Variants in CEP41 observed in about 807,000 individuals in gnomAD.
The protein encoded by CEP41 is centrosomal protein of 41 kDa.
CEP41 carries 32 observed loss-of-function variants against 44.3 expected under a neutral mutation model. The ratio of observed to expected loss-of-function variants is 0.72; its 90% CI spans 0.54 to 0.97. The LOEUF (loss-of-function observed/expected upper bound fraction) is 0.97, where lower values mean the gene tolerates loss of function less well. Ranked by LOEUF, CEP41 falls within the 50% of genes least tolerant of loss-of-function variation. CEP41 has a pLI of 0.00. For missense variants in CEP41, 432 were observed against 455.2 expected, an observed-to-expected ratio of 0.95 and a Z score of 0.46; for synonymous variants, 151 against 168.5, an observed-to-expected ratio of 0.90 and a Z score of 0.80.
Position 130,440,977 on chromosome 7 carries a change from A to G in CEP41, c.-11T>C, listed in dbSNP as rs1389057163. On this transcript the variant is annotated 5_prime_UTR_variant, in exon 1 of 11. Coordinates refer to ENST00000223208, the MANE Select transcript of CEP41 (RefSeq NM_018718.3). ...CCTCCGGAGGGACATATTTTCTCCA[A>G]CCGACCACGTTCGGGGTTCTAGCCT... The G allele has an allele frequency of 1.9e-6, 3 of 1,612,296 alleles. No homozygotes were observed. Among genetic ancestry groups the G allele is most frequent in the African/African-American group, 2.7e-5 (2 of 74,852 alleles).
intron 1 of CEP41, among the ~76,000 whole-genome samples, chr7:130,435,774 A>G (rs1797943082): frequency 6.6e-6 from 1 of 152,204 alleles, no homozygotes; most frequent in African/African-American, 2.4e-5. Flanking sequence ...CATCCACACA[A>G]AGAGTTATAC....
At chr7:130,407,819 T>C (rs990560031) in intron 5 of CEP41, among the ~76,000 whole-genome samples, 1 of 152,112 alleles carries the variant, frequency 6.6e-6, no homozygotes, top group African/African-American at 2.4e-5. Flanking sequence ...CTAATAGATT[T>C]GATTACGTAA....
At chr7:130,431,987 G>C (rs1797835396) in intron 1 of CEP41, among the ~76,000 whole-genome samples, 1 of 152,130 alleles carries the variant, frequency 6.6e-6, no homozygotes, top group African/African-American at 2.4e-5. Flanking sequence ...GCATCTTAGT[G>C]GGTAGAGGCC....
chr7:130,440,922 C>G lies in CEP41; in HGVS notation c.33+12G>C, dbSNP rs1303521834. 1.2e-6 allele frequency: 2 copies of G among 1,611,450 alleles called. No homozygotes were observed. The highest frequency in any genetic ancestry group is 2.7e-5 in the African/African-American group (2 of 74,958). ...GCCCCCTCCGGCTCTCCGGCCGAGACCTGGCCCTCACCTCAGGGTTCCCAA... is the reference window on the plus strand; with the variant it reads ...GCCCCCTCCGGCTCTCCGGCCGAGAGCTGGCCCTCACCTCAGGGTTCCCAA... On this transcript the variant is annotated intron_variant, in intron 1 of 10. Coordinates refer to ENST00000223208, the MANE Select transcript of CEP41 (RefSeq NM_018718.3).
At position 130,404,637 on chromosome 7, in the gene CEP41, C is replaced by T. The variant is rs1796953161; in HGVS notation, c.349G>A (p.Glu117Lys). The T allele has an allele frequency of 1.9e-6, 3 of 1,613,398 alleles. No individual in the cohort carries two copies. The African/African-American group carries it at 4.0e-5, about 22-fold the overall frequency. The part of the protein sequence containing the change: ...ARTNGKGNPG[E>K]QSPSPEQFIN... Reference sequence around the variant, plus strand: ...AACTGCTCAGGGCTCGGCGACTGCTCACCTGGATTTCCTTTCCCATTGGTC... The same window carrying T: ...AACTGCTCAGGGCTCGGCGACTGCTTACCTGGATTTCCTTTCCCATTGGTC... The change falls in exon 6 of 11, where the codon GAG becomes AAG. Residue 117 changes from glutamate (E) to lysine (K), a missense_variant. By Grantham distance (56) the Glu-to-Lys change is moderately conservative. Coordinates refer to ENST00000223208, the MANE Select transcript of CEP41 (RefSeq NM_018718.3).
In CEP41 at chr7:130,440,960, G is replaced by A; in HGVS notation, c.7C>T (p.Leu3Phe). 3 of 1,612,876 alleles carry A rather than the reference G, an allele frequency of 1.9e-6. No individual in the cohort carries two copies. The highest frequency in any genetic ancestry group is 2.5e-6 in the Non-Finnish European group (3 of 1,180,004). The change falls in exon 1 of 11, where the codon CTC becomes TTC. Residue 3 changes from leucine to phenylalanine, a missense_variant. By Grantham distance (22) the Leu-to-Phe change is conservative. Coordinates refer to ENST00000223208, the MANE Select transcript of CEP41 (RefSeq NM_018718.3). MS[L>F]RRHIGNPEYL... ...TCAGGGTTCCCAATGTGCCTCCGGA[G>A]GGACATATTTTCTCCAACCGACCAC...
Position 130,440,954 on chromosome 7 carries a change from T to A in CEP41, c.13A>T (p.Arg5Trp). MSLR[R>W]HIGNPEYLMK... ...CTCACCTCAGGGTTCCCAATGTGCC[T>A]CCGGAGGGACATATTTTCTCCAACC... Residue 5 changes from arginine (R) to tryptophan (W), a missense_variant, in exon 1 of 11, where the codon AGG (arginine) becomes TGG (tryptophan). Transcript: ENST00000223208. The A allele has an allele frequency of 1.2e-6, 2 of 1,612,822 alleles. No individual in the cohort carries two copies. Among genetic ancestry groups the A allele is most frequent in the Middle Eastern group, 1.6e-4 (1 of 6,062 alleles).
rs1798137622 is a variant in CEP41 at position 130,440,928 on chromosome 7, C to T, written c.33+6G>A. The T allele has an allele frequency of 1.2e-6, 2 of 1,612,020 alleles. No individual in the cohort carries two copies. The highest frequency in any genetic ancestry group is 1.7e-5 in the Admixed American group (1 of 60,032). On this transcript the variant is annotated splice_donor_region_variant and intron_variant, in intron 1 of 10. Coordinates refer to ENST00000223208, the MANE Select transcript of CEP41 (RefSeq NM_018718.3). ...TCCGGCTCTCCGGCCGAGACCTGGC[C>T]CTCACCTCAGGGTTCCCAATGTGCC...
At chr7:130,429,702 C>A (rs1197923545) in intron 1 of CEP41, among the ~76,000 whole-genome samples, 1 of 152,236 alleles carries the variant, frequency 6.6e-6, no homozygotes, top group Non-Finnish European at 1.5e-5. Flanking sequence ...CTTCACTACT[C>A]CTTGGGCAAA....
At chr7:130,436,725 A>C (rs1797976576) in intron 1 of CEP41, among the ~76,000 whole-genome samples, 1 of 152,040 alleles carries the variant, frequency 6.6e-6, no homozygotes, top group Admixed American at 6.5e-5. Flanking sequence ...AGAGCAAAAA[A>C]CAGAGCTCTT....
In CEP41 at chr7:130,396,574, A is replaced by G. The variant is rs1212705347; in HGVS notation, c.*2317T>C. The G allele has an allele frequency of 2.2e-6, 1 of 454,456 alleles. No homozygotes were observed. The highest frequency in any genetic ancestry group is 2.0e-5 in the African/African-American group (1 of 50,020). 28.2% of individuals were successfully genotyped at this position (454,456 alleles called of 1,614,324 possible). A position where few individuals can be genotyped will look rare whatever the true frequency, so the allele number is the denominator to read the frequency against. On this transcript the variant is annotated 3_prime_UTR_variant, in exon 11 of 11. Coordinates refer to ENST00000223208, the MANE Select transcript of CEP41 (RefSeq NM_018718.3). ...TTTAATCTTCAACATTCATAATTGC[A>G]CAAAGCATCACTGGTCATTTAAATA... is the stretch of plus-strand genomic sequence containing the variant.
intron 2 of CEP41, among the ~76,000 whole-genome samples, chr7:130,417,647 T>G (rs1797375727): frequency 6.6e-6 from 1 of 152,186 alleles, no homozygotes; most frequent in Non-Finnish European, 1.5e-5. Flanking sequence ...TTTTCAGACT[T>G]AAAAAACTCA....
rs1554415580 is a variant in CEP41, at chr7:130,398,057, G to C, written c.*834C>G. 4.4e-6 allele frequency: 2 copies of C among 454,138 alleles called. No homozygotes were observed. Among genetic ancestry groups the C allele is most frequent in the Non-Finnish European group, 8.8e-6 (2 of 226,784 alleles). 28.1% of individuals were successfully genotyped at this position (454,138 alleles called of 1,614,324 possible). ...CCATAATTTCTGTCCATCTAACATGGATGGACTGAAGCTGGGCAATGGGCG... is the reference window on the plus strand; with the variant it reads ...CCATAATTTCTGTCCATCTAACATGCATGGACTGAAGCTGGGCAATGGGCG... On this transcript the variant is annotated 3_prime_UTR_variant, in exon 11 of 11. Transcript: ENST00000223208.
In CEP41 at chr7:130,402,742, CT is replaced by C. The variant is rs782074094; in HGVS notation, c.479del (p.Glu160GlyfsTer17). 8 of 1,614,154 alleles carry C rather than the reference CT, an allele frequency of 5.0e-6. No homozygotes were observed. Among genetic ancestry groups the C allele is most frequent in the Non-Finnish European group, 6.8e-6 (8 of 1,180,000 alleles). On this transcript the variant is annotated frameshift_variant, in exon 7 of 11. Transcript: ENST00000223208. LOFTEE classifies it high-confidence loss of function. ...GATAAGGTTTGTCTTTGGTATGGGGCTCTGCTTTCTTCACTGGCCCTTTGTC... is the reference window on the plus strand; with the variant it reads ...GATAAGGTTTGTCTTTGGTATGGGGCCTGCTTTCTTCACTGGCCCTTTGTC... Reference protein sequence around the residue: ...DLDKGPVKKAEPHTKDKPYPD... With the variant: ...DLDKGPVKKAXPHTKDKPYPD...
At chr7:130,426,117 T>C (rs1797654172) in intron 2 of CEP41, among the ~76,000 whole-genome samples, 1 of 152,194 alleles carries the variant, frequency 6.6e-6, no homozygotes, top group South Asian at 2.1e-4. Context: ...TGCATTATAG[T>C]TTTGCAAAAT....
At position 130,440,937 on chromosome 7, in the gene CEP41, A is replaced by C. The variant is rs782561380; in HGVS notation, c.30T>G (p.Pro10=). ...CCGGCCGAGACCTGGCCCTCACCTC[A>C]GGGTTCCCAATGTGCCTCCGGAGGG... MSLRRHIGN[P]EYLMKRIPQN... The change falls in exon 1 of 11, where the codon CCT becomes CCG. Residue 10 remains proline, a synonymous_variant. Transcript: ENST00000223208. 9 of 1,612,220 alleles carry C rather than the reference A, an allele frequency of 5.6e-6. No homozygotes were observed. In the East Asian group the frequency reaches 2.0e-4, roughly 36 times the overall value.
At chr7:130,440,804 G>GCC in intron 1 of CEP41, 130 bp downstream of exon 1, 10 of 203,124 alleles carry the variant, frequency 4.9e-5, no homozygotes, top group Middle Eastern at 1.5e-3. Flanking sequence ...CCTGCATCCC[G>GCC]ACCCCTCCTC....
chr7:130,393,990 C>T lies in CEP41; in HGVS notation c.*4901G>A, dbSNP rs1554413434. 4.4e-6 allele frequency: 2 copies of T among 454,024 alleles called. No individual in the cohort carries two copies. The highest frequency in any genetic ancestry group is 1.4e-4 in the East Asian group (2 of 14,392). The allele number at this position is 454,024 out of a possible 1,614,324, so 28.1% of individuals were successfully genotyped here. On this transcript the variant is annotated 3_prime_UTR_variant, in exon 11 of 11. Coordinates refer to ENST00000223208, the MANE Select transcript of CEP41 (RefSeq NM_018718.3). Reference sequence around the variant, plus strand: ...GGTGGAAATGTGGAAATACGCATTCCCCAGAGCAGATGTTTCAGTTCCTGA... The same window carrying T: ...GGTGGAAATGTGGAAATACGCATTCTCCAGAGCAGATGTTTCAGTTCCTGA...
intron 5 of CEP41, among the ~76,000 whole-genome samples, chr7:130,407,069 T>A (rs1554418349): frequency 6.6e-6 from 1 of 151,980 alleles, no homozygotes; most frequent in African/African-American, 2.4e-5. Context: ...TTATAGGACT[T>A]ACAAAAATTT....
Sources: gnomAD v4.1 joint callset for allele counts (sites outside exome capture counted in the v4.1 genomes callset) on GRCh38, gnomAD v4.1.1 for gene constraint, MANE v1.5 for transcripts, NCBI Gene and HGNC (gene_info 2026-07-23, HGNC 2026-07-21) for gene names.